The following SMCO2 variants were observed in gnomAD, a reference collection of about 807,000 sequenced individuals.
The protein encoded by SMCO2 is single-pass membrane and coiled-coil domain-containing protein 2.
A neutral mutation model predicts 29.5 loss-of-function variants in SMCO2; 25 were observed. The observed-to-expected ratio is 0.85, with a 90% CI of 0.62 to 1.18. The LOEUF (loss-of-function observed/expected upper bound fraction) is 1.18. Among genes scored for constraint, SMCO2 ranks in the 50% most tolerant of loss-of-function variants. The pLI is 0.00. For synonymous variants in SMCO2, 117 were observed against 123.3 expected, an observed-to-expected ratio of 0.95 and a Z score of 0.34; for missense variants, 348 against 344.5, an observed-to-expected ratio of 1.01 and a Z score of -0.08.
chr12:27,461,572 C>G, the SMCO2 span, among the ~76,000 whole-genome samples: 11 of 152,154 alleles, frequency 7.2e-5, no homozygotes, highest in Admixed American at 7.2e-4. Flanking sequence ...ATCCACAGAA[C>G]CCACGGATAA....
chr12:27,466,465 A>G (rs1315643288), upstream of SMCO2, among the ~76,000 whole-genome samples: 1 of 152,220 alleles, frequency 6.6e-6, no homozygotes, highest in Non-Finnish European at 1.5e-5. Context: ...TGTTACTGGT[A>G]GAAGACATGT....
chr12:27,439,974 T>C, the SMCO2 span, among the ~76,000 whole-genome samples: 16 of 152,244 alleles, frequency 1.1e-4, no homozygotes, highest in South Asian at 2.7e-3. Context: ...GAGAAAGATA[T>C]AAATGTGCAG....
At chr12:27,426,765 A>G in the SMCO2 span, among the ~76,000 whole-genome samples, 1 of 152,222 alleles carries the variant, frequency 6.6e-6, no homozygotes, top group Admixed American at 6.5e-5. Context: ...AAATAACAGT[A>G]GAAATTCATA....
At chr12:27,487,033 T>A (rs1037786120) in intron 4 of SMCO2, among the ~76,000 whole-genome samples, 5 of 152,196 alleles carry the variant, frequency 3.3e-5, no homozygotes, top group African/African-American at 1.2e-4. Context: ...GGGTATGCCA[T>A]CAAAACCAAG....
chr12:27,449,043 C>A, the SMCO2 span, among the ~76,000 whole-genome samples: 1 of 152,196 alleles, frequency 6.6e-6, no homozygotes, highest in African/African-American at 2.4e-5. Flanking sequence ...AGGACTAAGG[C>A]CAGCCTAGGT....
chr12:27,429,478 C>CAA, the SMCO2 span, among the ~76,000 whole-genome samples: 5 of 147,236 alleles, frequency 3.4e-5, no homozygotes, highest in African/African-American at 1.2e-4. Flanking sequence ...CATAAAATTA[C>CAA]AAAAAAAAAA....
intron 4 of SMCO2, among the ~76,000 whole-genome samples, chr12:27,479,239 C>G (rs939620375): frequency 6.6e-6 from 1 of 152,074 alleles, no homozygotes; most frequent in African/African-American, 2.4e-5. Context: ...TATCTGGGCC[C>G]CTGGATAGTG....
At chr12:27,457,967 C>A in the SMCO2 span, among the ~76,000 whole-genome samples, 5 of 152,156 alleles carry the variant, frequency 3.3e-5, no homozygotes, top group Non-Finnish European at 1.5e-5. Context: ...TTAAAATTTT[C>A]TTCTCATTCC....
chr12:27,492,775 G>A (rs574438043), intron 5 of SMCO2, among the ~76,000 whole-genome samples: 2 of 152,240 alleles, frequency 1.3e-5, no homozygotes, highest in East Asian at 1.9e-4. Context: ...GCAGTATGGC[G>A]ATTCCTCAAA....
chr12:27,484,921 C>A (rs562653423), intron 4 of SMCO2, among the ~76,000 whole-genome samples: 266 of 146,148 alleles, frequency 1.8e-3, no homozygotes, highest in South Asian at 7.3e-3. Flanking sequence ...ATATGATCGA[C>A]CTTCATGTAG....
chr12:27,461,407 G>A, the SMCO2 span, among the ~76,000 whole-genome samples: 8,207 of 152,038 alleles, frequency 0.054, 272 homozygotes, highest in East Asian at 0.13. Context: ...TCCTCCTCCA[G>A]CCCTCCACCT....
intron 1 of SMCO2, among the ~76,000 whole-genome samples, chr12:27,468,250 T>C (rs1592202496): frequency 6.6e-6 from 1 of 152,214 alleles, no homozygotes; most frequent in Non-Finnish European, 1.5e-5. Flanking sequence ...CCCAACATCA[T>C]AGAAGAAGGT....
the SMCO2 span, among the ~76,000 whole-genome samples, chr12:27,454,972 C>T: frequency 6.6e-6 from 1 of 152,162 alleles, no homozygotes; most frequent in African/African-American, 2.4e-5. Flanking sequence ...CATGGCCTTC[C>T]ATTATCATAA....
At chr12:27,478,594 A>G (rs1226776536) in intron 4 of SMCO2, among the ~76,000 whole-genome samples, 10 of 152,066 alleles carry the variant, frequency 6.6e-5, no homozygotes, top group Admixed American at 6.5e-4. Flanking sequence ...AGAGTCATGC[A>G]TGGGTAGATA....
At chr12:27,481,893 A>G (rs1949646351) in intron 4 of SMCO2, among the ~76,000 whole-genome samples, 1 of 151,848 alleles carries the variant, frequency 6.6e-6, no homozygotes, top group Admixed American at 6.6e-5. Flanking sequence ...TTTTTGTTGT[A>G]TCAGTCTGGA....
At position 27,493,251 on chromosome 12, in the gene SMCO2, T is replaced by C. The variant is rs140806440; in HGVS notation, c.451-1049T>C. On this transcript the variant is annotated intron_variant, in intron 5 of 7. Transcript: ENST00000298876. ...GCTACTGGGCTTAATTCCTGGGTGA[T>C]GAAATAATCTGTACAGCAAACCCCC... 9.0e-3 allele frequency among the ~76,000 whole-genome samples: 1,369 copies of C among 152,116 alleles called. 15 individuals carry two copies. The highest frequency in any genetic ancestry group is 0.015 in the Non-Finnish European group (1,016 of 68,000).
At chr12:27,494,417 A>C in intron 6 of SMCO2, 61 bp downstream of exon 7, 1 of 1,232,744 alleles carries the variant, frequency 8.1e-7, no homozygotes, top group Non-Finnish European at 1.1e-6. Context: ...GTCTAAATAC[A>C]GGGGTCATTC....
chr12:27,498,650 CT>C (rs746058743), intron 7 of SMCO2: 9 of 155,886 alleles, frequency 5.8e-5, no homozygotes, highest in South Asian at 3.6e-4. Flanking sequence ...GCATTGTTTG[CT>C]TTTTTTTTAA....
the SMCO2 span, among the ~76,000 whole-genome samples, chr12:27,454,321 G>A: frequency 6.6e-6 from 1 of 152,110 alleles, no homozygotes. Context: ...TTTCCAATGG[G>A]ATTACATAAT....
Sources: gnomAD v4.1 joint callset for allele counts (sites outside exome capture counted in the v4.1 genomes callset) on GRCh38, gnomAD v4.1.1 for gene constraint, MANE v1.5 for transcripts, NCBI Gene and HGNC (gene_info 2026-07-23, HGNC 2026-07-21) for gene names.